EYS: variants seen among roughly 807,000 people sequenced by gnomAD.
EYS encodes EGF-like photoreceptor maintenance factor.
In EYS, 250 loss-of-function variants were observed where a neutral mutation model predicts 282.1. The ratio of observed to expected loss-of-function variants is 0.89; its 90% CI spans 0.80 to 0.98. The LOEUF is 0.98. Among genes scored for constraint, EYS ranks in the 50% least tolerant of loss-of-function variants. The probability of loss-of-function intolerance (pLI) is 0.00; values close to 1 mark genes in which losing one functional copy is unlikely to be tolerated. For missense variants in EYS, 4,016 were observed against 3,709.0 expected, an observed-to-expected ratio of 1.08 and a Z score of -2.15; for synonymous variants, 1,355 against 1,282.9, an observed-to-expected ratio of 1.06 and a Z score of -1.20.
chr6:64,592,117 C>A, intron 25 of EYS, 128 bp from the exon 26 acceptor site: 1 of 550,298 alleles, frequency 1.8e-6, no homozygotes, highest in South Asian at 3.8e-5. Context: ...AAATATGGTT[C>A]TGTAAATCAT....
chr6:64,821,070 G>A (rs114771920), intron 21 of EYS, among the ~76,000 whole-genome samples: 1,772 of 151,752 alleles, frequency 0.012, 36 homozygotes, highest in African/African-American at 0.04. Context: ...CACCAAGAAC[G>A]GTCACAATTC....
chr6:65,305,514 A>T (rs1469393014), intron 11 of EYS, among the ~76,000 whole-genome samples: 2 of 152,182 alleles, frequency 1.3e-5, no homozygotes, highest in African/African-American at 2.4e-5. Context: ...GGAAGCCTGT[A>T]ATGTGGGCAT....
intron 1 of EYS, among the ~76,000 whole-genome samples, chr6:65,674,083 T>C (rs1026553514): frequency 6.6e-6 from 1 of 151,696 alleles, no homozygotes; most frequent in Non-Finnish European, 1.5e-5. Flanking sequence ...AGAAAAACAG[T>C]GAACTTTTGA....
At chr6:65,690,271 AG>A (rs1769192993) in intron 1 of EYS, among the ~76,000 whole-genome samples, 2 of 150,340 alleles carry the variant, frequency 1.3e-5, no homozygotes, top group Non-Finnish European at 3.0e-5. Flanking sequence ...CAGGACGTGA[AG>A]CTAGACAACC....
intron 29 of EYS, among the ~76,000 whole-genome samples, chr6:64,319,968 C>T (rs1770145755): frequency 2.6e-5 from 4 of 151,984 alleles, no homozygotes; most frequent in Non-Finnish European, 4.4e-5. Context: ...TCCTTTAACA[C>T]ATCTTATAAT....
chr6:64,647,785 T>C (rs573799963), intron 22 of EYS, among the ~76,000 whole-genome samples: 74 of 152,280 alleles, frequency 4.9e-4, no homozygotes, highest in South Asian at 1.2e-3. Context: ...GCATTTGTTA[T>C]TCTTTATTGG....
At chr6:64,444,408 T>C (rs978510162) in intron 26 of EYS, among the ~76,000 whole-genome samples, 1 of 152,162 alleles carries the variant, frequency 6.6e-6, no homozygotes, top group Non-Finnish European at 1.5e-5. Flanking sequence ...CTTTTCATAT[T>C]ATTTTATAGC....
intron 34 of EYS, among the ~76,000 whole-genome samples, chr6:63,993,694 C>G (rs1767706449): frequency 6.6e-6 from 1 of 151,820 alleles, no homozygotes; most frequent in African/African-American, 2.4e-5. Context: ...ACTTTACATT[C>G]ATGGAACATC....
intron 2 of EYS, among the ~76,000 whole-genome samples, chr6:65,616,876 A>G (rs148210157): frequency 2.6e-5 from 4 of 152,320 alleles, no homozygotes; most frequent in East Asian, 3.9e-4. Context: ...TTTTAATTCA[A>G]TTGGTGACTG....
At chr6:65,675,029 T>A (rs1768528524) in intron 1 of EYS, among the ~76,000 whole-genome samples, 1 of 152,010 alleles carries the variant, frequency 6.6e-6, no homozygotes, top group Non-Finnish European at 1.5e-5. Context: ...AATTATGTGT[T>A]ATCAGCTTAA....
At chr6:65,097,947 A>T (rs903042187) in intron 12 of EYS, among the ~76,000 whole-genome samples, 6 of 150,752 alleles carry the variant, frequency 4.0e-5, no homozygotes, top group Non-Finnish European at 7.5e-5. Context: ...TACTTAACAA[A>T]TTTTCCCTGT....
chr6:64,442,059 A>C (rs1774966501), intron 26 of EYS, among the ~76,000 whole-genome samples: 1 of 152,186 alleles, frequency 6.6e-6, no homozygotes, highest in South Asian at 2.1e-4. Context: ...AAATGTGGGA[A>C]AGTTTGGAAT....
intron 31 of EYS, among the ~76,000 whole-genome samples, chr6:64,120,970 A>G (rs934647196): frequency 6.6e-6 from 1 of 152,056 alleles, no homozygotes; most frequent in African/African-American, 2.4e-5. Context: ...TGTAGGAGAG[A>G]AGTCTTTGTT....
At chr6:65,194,969 A>G (rs12203568) in intron 12 of EYS, among the ~76,000 whole-genome samples, 6,368 of 151,698 alleles carry the variant, frequency 0.042, 191 homozygotes, top group Middle Eastern at 0.065. Context: ...TTTCCTACTC[A>G]TTTAATTTTA....
At chr6:64,555,548 A>C (rs1355763259) in intron 26 of EYS, among the ~76,000 whole-genome samples, 1 of 151,972 alleles carries the variant, frequency 6.6e-6, no homozygotes, top group East Asian at 1.9e-4. Context: ...ATCTTGACTA[A>C]GCCATTCCAC....
rs368832620 is a variant in EYS, at chr6:64,807,997, A to C, written c.3443+5381T>G. ...TTCCTTCTCCCTCCGTCCTTCCCTT[A>C]CTTCCTTCCTCCCTCCCTCCTTCCT... is the stretch of plus-strand genomic sequence containing the variant. On this transcript the variant is annotated intron_variant, in intron 22 of 42. Transcript: ENST00000503581. Among the ~76,000 whole-genome samples, 340 of 65,624 alleles carry C rather than the reference A, an allele frequency of 5.2e-3. 5 individuals are homozygous for C. Among genetic ancestry groups the C allele is most frequent in the African/African-American group, 0.014 (313 of 22,590 alleles). The allele number at this position is 65,624 out of a possible 152,430, so 43.1% of individuals were successfully genotyped here. A position where few individuals can be genotyped will look rare whatever the true frequency, so the allele number is the denominator to read the frequency against.
At chr6:65,475,100 A>C (rs1006274732) in intron 5 of EYS, among the ~76,000 whole-genome samples, 1 of 152,086 alleles carries the variant, frequency 6.6e-6, no homozygotes, top group African/African-American at 2.4e-5. Context: ...TACTCAGAAA[A>C]TTATAGTGTC....
intron 26 of EYS, among the ~76,000 whole-genome samples, chr6:64,519,424 T>C (rs1340552638): frequency 6.6e-6 from 1 of 151,762 alleles, no homozygotes; most frequent in Non-Finnish European, 1.5e-5. Flanking sequence ...CGCAGAAGCA[T>C]AAATGTTGAA....
chr6:63,891,227 C>T (rs913738768), intron 35 of EYS, among the ~76,000 whole-genome samples: 3 of 152,222 alleles, frequency 2.0e-5, no homozygotes, highest in African/African-American at 7.2e-5. Flanking sequence ...TCCACCCTAA[C>T]TCATTTTATG....
Sources: allele counts gnomAD v4.1 joint callset (sites outside exome capture counted in the v4.1 genomes callset), GRCh38; gene constraint gnomAD v4.1.1; transcripts MANE v1.5; gene names NCBI Gene and HGNC (gene_info 2026-07-23, HGNC 2026-07-21).